The following RSF1 variants were observed in gnomAD, a reference collection of about 807,000 sequenced individuals.
RSF1 encodes HBV pX-associated protein 8.
RSF1 carries 13 observed loss-of-function variants against 145.2 expected under a neutral mutation model. That is an observed-to-expected ratio of 0.09 (90% CI 0.06 to 0.14). RSF1 has a LOEUF of 0.14. RSF1 is among the 10% of genes least tolerant of loss of function. The pLI, the probability that RSF1 is intolerant of heterozygous loss-of-function variation, is 1.00. For synonymous variants in RSF1, 577 were observed against 592.6 expected (o/e 0.97, Z 0.38); for missense variants, 1,517 against 1,718.2 (o/e 0.88, Z 2.07).
At chr11:77,774,622 TAAAG>T (rs908648592) in intron 1 of RSF1, among the ~76,000 whole-genome samples, 6 of 134,444 alleles carry the variant, frequency 4.5e-5, no homozygotes, top group African/African-American at 1.6e-4. Flanking sequence ...ATAAATAAAA[TAAAG>T]AAAAGAGAGT....
chr11:77,800,272 A>T (rs1024996057), intron 1 of RSF1, among the ~76,000 whole-genome samples: 18 of 152,172 alleles, frequency 1.2e-4, no homozygotes, highest in African/African-American at 4.3e-4. Context: ...TGGGTGGATC[A>T]CTTGAGGTCA....
At chr11:77,812,668 T>C (rs559903275) in intron 1 of RSF1, among the ~76,000 whole-genome samples, 5 of 152,160 alleles carry the variant, frequency 3.3e-5, no homozygotes, top group African/African-American at 1.2e-4. Flanking sequence ...GGCAGATCAC[T>C]TGAGGTCAGG....
At chr11:77,816,654 G>A (rs1948784799) in intron 1 of RSF1, among the ~76,000 whole-genome samples, 2 of 152,278 alleles carry the variant, frequency 1.3e-5, no homozygotes, top group South Asian at 4.1e-4. Flanking sequence ...GAATACAGTA[G>A]TATAGTTTCC....
chr11:77,763,061 C>T (rs1178418997), intron 2 of RSF1: 1 of 152,138 alleles, frequency 6.6e-6, no homozygotes, highest in Non-Finnish European at 1.5e-5. Flanking sequence ...AAAGAAGCCG[C>T]CGGGCACGGT....
chr11:77,859,904 TCTC>T, the RSF1 span, among the ~76,000 whole-genome samples: 1 of 152,322 alleles, frequency 6.6e-6, no homozygotes, highest in Admixed American at 6.5e-5. Context: ...CAGCCACAAG[TCTC>T]CTTTAGCAGT....
chr11:77,683,669 T>C (rs373701494), intron 11 of RSF1, 41 bp downstream of exon 11: 6 of 1,364,212 alleles, frequency 4.4e-6, no homozygotes, highest in South Asian at 3.6e-5. Context: ...ACTTGCAAAA[T>C]AAATCCTCTT....
At chr11:77,704,584 CTAATT>C (rs1960498770) in intron 5 of RSF1, among the ~76,000 whole-genome samples, 1 of 152,128 alleles carries the variant, frequency 6.6e-6, no homozygotes, top group African/African-American at 2.4e-5. Context: ...TTCACTAACA[CTAATT>C]TAGCTAGTGA....
intron 2 of RSF1, among the ~76,000 whole-genome samples, chr11:77,750,827 ATTCTATAATACTTG>A (rs1948054378): frequency 6.6e-6 from 1 of 152,216 alleles, no homozygotes. Context: ...ATAAATCATT[ATTCTATAATACTTG>A]TTCTTTGTTT....
rs543498865 is a variant in RSF1 at position 77,788,310 on chromosome 11, G to A, written c.188-23621C>T. ...CCAGAAATTACTGGTAATAGAATCA[G>A]TAGAAAAAGACATGAAAAGTTCTTA... On this transcript the variant is annotated intron_variant, in intron 1 of 15. Transcript: ENST00000308488. Among the ~76,000 whole-genome samples the A allele has an allele frequency of 1.9e-4, 28 of 150,292 alleles. 1 individual carries two copies. In the South Asian group the frequency reaches 5.7e-3, roughly 30 times the overall value.
chr11:77,849,478 C>T, the RSF1 span, among the ~76,000 whole-genome samples: 1 of 152,170 alleles, frequency 6.6e-6, no homozygotes, highest in African/African-American at 2.4e-5. Flanking sequence ...CCCATCTCGG[C>T]CTCTCAAAGT....
chr11:77,730,268 G>T (rs562889813), intron 4 of RSF1, among the ~76,000 whole-genome samples: 1 of 152,062 alleles, frequency 6.6e-6, no homozygotes, highest in Non-Finnish European at 1.5e-5. Context: ...ATATGGTTTA[G>T]AAATGCATTC....
chr11:77,798,157 G>A (rs1948590906), intron 1 of RSF1, among the ~76,000 whole-genome samples: 1 of 152,022 alleles, frequency 6.6e-6, no homozygotes, highest in Admixed American at 6.6e-5. Context: ...CCATTACTGG[G>A]GTACATACCC....
chr11:77,842,485 G>A, the RSF1 span: 1 of 1,612,104 alleles, frequency 6.2e-7, no homozygotes, highest in Admixed American at 1.7e-5. Flanking sequence ...TCAGACTTCA[G>A]TGAAGTTCCT....
At chr11:77,815,132 G>C (rs1293566341) in intron 1 of RSF1, among the ~76,000 whole-genome samples, 3 of 152,234 alleles carry the variant, frequency 2.0e-5, no homozygotes, top group Non-Finnish European at 4.4e-5. Flanking sequence ...CTCTAGTTTA[G>C]GCATCAATTT....
At chr11:77,799,010 CAAAAAT>C (rs531860835) in intron 1 of RSF1, among the ~76,000 whole-genome samples, 119 of 143,138 alleles carry the variant, frequency 8.3e-4, no homozygotes, top group Middle Eastern at 7.3e-3. Context: ...TGAACAAAAA[CAAAAAT>C]AAACAAATGG....
intron 5 of RSF1, among the ~76,000 whole-genome samples, chr11:77,705,931 A>T (rs1453630113): frequency 2.6e-5 from 4 of 152,168 alleles, no homozygotes; most frequent in Non-Finnish European, 5.9e-5. Context: ...TGGATATACA[A>T]GTGTTTTATA....
chr11:77,677,994 G>C, intron 12 of RSF1, 92 bp downstream of exon 12: 1 of 831,320 alleles, frequency 1.2e-6, no homozygotes, highest in South Asian at 1.5e-5. Flanking sequence ...ACGGGAAAGA[G>C]AATAAAAACA....
At chr11:77,708,248 G>A (rs911252978) in intron 5 of RSF1, among the ~76,000 whole-genome samples, 1 of 152,148 alleles carries the variant, frequency 6.6e-6, no homozygotes, top group Middle Eastern at 3.4e-3. Context: ...AATAAAACCC[G>A]TCTCGACCAA....
chr11:77,770,625 C>A (rs1457762932), intron 1 of RSF1, among the ~76,000 whole-genome samples: 1 of 152,176 alleles, frequency 6.6e-6, no homozygotes, highest in African/African-American at 2.4e-5. Context: ...CATTGAGAAT[C>A]ATACTGTTGT....
Sources: gnomAD v4.1 joint callset for allele counts (sites outside exome capture counted in the v4.1 genomes callset) on GRCh38, gnomAD v4.1.1 for gene constraint, MANE v1.5 for transcripts, NCBI Gene and HGNC (gene_info 2026-07-23, HGNC 2026-07-21) for gene names.